UNC13C: variants seen among roughly 807,000 people sequenced by gnomAD.
UNC13C encodes protein unc-13 homolog C.
Under a neutral mutation model 245.4 loss-of-function variants are expected in UNC13C, and 174 were observed. The ratio of observed to expected loss-of-function variants is 0.71; its 90% CI spans 0.63 to 0.80. UNC13C has a LOEUF of 0.80. Ranked by LOEUF, UNC13C falls within the 30% of genes least tolerant of loss-of-function variation. UNC13C has a pLI of 0.00. For missense variants in UNC13C, 2,829 were observed against 2,602.9 expected, an observed-to-expected ratio of 1.09 and a Z score of -1.89; for synonymous variants, 992 against 895.1, an observed-to-expected ratio of 1.11 and a Z score of -1.93.
At chr15:54,590,164 C>A (rs1898710092) in intron 30 of UNC13C, among the ~76,000 whole-genome samples, 1 of 152,118 alleles carries the variant, frequency 6.6e-6, no homozygotes, top group Non-Finnish European at 1.5e-5. Flanking sequence ...ATTTTTATAC[C>A]AGTACCACTC....
At chr15:54,164,452 C>A (rs982024336) in intron 4 of UNC13C, among the ~76,000 whole-genome samples, 14 of 152,068 alleles carry the variant, frequency 9.2e-5, no homozygotes, top group Admixed American at 9.2e-4. Context: ...GACAGTGTGG[C>A]TTGGCCAAAT....
At chr15:54,522,465 G>A (rs563317800) in intron 24 of UNC13C, among the ~76,000 whole-genome samples, 12 of 151,952 alleles carry the variant, frequency 7.9e-5, no homozygotes, top group East Asian at 1.9e-4. Context: ...GCAACAGAGC[G>A]AGATTCTGTC....
chr15:54,123,268 T>C (rs78713505), intron 2 of UNC13C, among the ~76,000 whole-genome samples: 1,832 of 151,988 alleles, frequency 0.012, 28 homozygotes, highest in African/African-American at 0.043. Flanking sequence ...AACTCTTTTG[T>C]CCACTTGTAA....
At chr15:54,605,299 T>G (rs1216621386) in intron 30 of UNC13C, among the ~76,000 whole-genome samples, 1 of 152,172 alleles carries the variant, frequency 6.6e-6, no homozygotes, top group African/African-American at 2.4e-5. Context: ...GAAACTGCTT[T>G]TAAGCTTAGC....
intron 30 of UNC13C, among the ~76,000 whole-genome samples, chr15:54,573,493 CAT>C (rs1223108098): frequency 6.6e-6 from 1 of 152,192 alleles, no homozygotes; most frequent in African/African-American, 2.4e-5. Flanking sequence ...ATAAGAGTCA[CAT>C]GTTTATTATT....
chr15:53,840,405 C>G, the UNC13C span, among the ~76,000 whole-genome samples: 2 of 152,038 alleles, frequency 1.3e-5, no homozygotes, highest in African/African-American at 2.4e-5. Flanking sequence ...TGTCAATATT[C>G]TCTAGAAAGC....
At chr15:54,234,930 G>C (rs2035649648) in intron 4 of UNC13C, 100 bp from the exon 5 acceptor site, 1 of 1,002,760 alleles carries the variant, frequency 1.0e-6, no homozygotes, top group Non-Finnish European at 1.5e-6. Flanking sequence ...ATGGTATCCA[G>C]GTCATCTTTT....
chr15:53,851,718 C>G, the UNC13C span, among the ~76,000 whole-genome samples: 6 of 152,108 alleles, frequency 3.9e-5, no homozygotes, highest in African/African-American at 1.4e-4. Context: ...AGATCATGCC[C>G]TTTTTGTCCA....
At chr15:54,500,440 C>A (rs770449028) in intron 21 of UNC13C, among the ~76,000 whole-genome samples, 21 of 151,586 alleles carry the variant, frequency 1.4e-4, no homozygotes, top group Non-Finnish European at 2.6e-4. Context: ...GTTTCCTAAC[C>A]TTGTACAAAA....
intron 19 of UNC13C, among the ~76,000 whole-genome samples, chr15:54,451,900 T>G (rs1045946281): frequency 1.3e-4 from 20 of 152,322 alleles, no homozygotes; most frequent in African/African-American, 4.6e-4. Flanking sequence ...TCCAATTTTT[T>G]GGATTTGCTT....
Position 53,997,065 on chromosome 15 carries a change from C to T in UNC13C, c.-256-15583C>T, listed in dbSNP as rs1894668045. Among the ~76,000 whole-genome samples the T allele has an allele frequency of 2.0e-5, 3 of 152,078 alleles. No homozygotes were observed. The South Asian group carries it at 6.2e-4, about 31-fold the overall frequency. ...AGTTTCAGTTGCTCCATATCCCTTC[C>T]ATCATTTGGTGTAACCAGTCTTTAG... On this transcript the variant is annotated intron_variant, in intron 1 of 32. Transcript: ENST00000260323.
At chr15:54,495,558 A>G (rs1893911069) in intron 20 of UNC13C, among the ~76,000 whole-genome samples, 1 of 152,036 alleles carries the variant, frequency 6.6e-6, no homozygotes, top group South Asian at 2.1e-4. Flanking sequence ...GAGAAAAAGC[A>G]TTAAGATGAA....
intron 2 of UNC13C, among the ~76,000 whole-genome samples, chr15:54,083,416 T>C (rs1018661321): frequency 1.1e-4 from 17 of 152,154 alleles, no homozygotes; most frequent in Admixed American, 1.0e-3. Context: ...GCTGCTGCTC[T>C]GTGTAGGGAG....
chr15:54,094,750 TTCTC>T (rs1482462130), intron 2 of UNC13C, among the ~76,000 whole-genome samples: 1 of 152,124 alleles, frequency 6.6e-6, no homozygotes, highest in East Asian at 1.9e-4. Flanking sequence ...TTTGTTACAA[TTCTC>T]TCTCTCCCCC....
chr15:54,610,588 A>G (rs1197836409), intron 30 of UNC13C, among the ~76,000 whole-genome samples: 2 of 152,228 alleles, frequency 1.3e-5, no homozygotes, highest in Non-Finnish European at 1.5e-5. Context: ...TAATATTTTA[A>G]TAACCACCAA....
At chr15:53,901,665 T>C in the UNC13C span, among the ~76,000 whole-genome samples, 2 of 152,234 alleles carry the variant, frequency 1.3e-5, no homozygotes, top group Non-Finnish European at 2.9e-5. Context: ...CTGTCTTTAT[T>C]GTAAATTGTT....
chr15:54,329,410 G>A (rs11638151), intron 14 of UNC13C, among the ~76,000 whole-genome samples: 39,031 of 151,522 alleles, frequency 0.26, 5,484 homozygotes, highest in Admixed American at 0.34. Flanking sequence ...ACCTATTATA[G>A]TATTTATTAT....
chr15:54,586,418 T>G (rs1405394121), intron 30 of UNC13C, among the ~76,000 whole-genome samples: 3 of 152,330 alleles, frequency 2.0e-5, no homozygotes, highest in Admixed American at 2.0e-4. Context: ...TGCAGACAGT[T>G]ACCTTTTCAT....
At chr15:53,944,434 G>A in the UNC13C span, among the ~76,000 whole-genome samples, 1 of 151,860 alleles carries the variant, frequency 6.6e-6, no homozygotes, top group Non-Finnish European at 1.5e-5. Flanking sequence ...GGAGGCCCTT[G>A]TCGTTCTGTT....
Sources: gnomAD v4.1 joint callset for allele counts (sites outside exome capture counted in the v4.1 genomes callset) on GRCh38, gnomAD v4.1.1 for gene constraint, MANE v1.5 for transcripts, NCBI Gene and HGNC (gene_info 2026-07-23, HGNC 2026-07-21) for gene names.